Variants in ESRRG observed in about 807,000 individuals in gnomAD.
ESRRG encodes the protein estrogen-related receptor gamma.
ESRRG carries 13 observed loss-of-function variants against 44.0 expected under a neutral mutation model. The ratio of observed to expected loss-of-function variants is 0.30; its 90% CI spans 0.19 to 0.47. The LOEUF (loss-of-function observed/expected upper bound fraction) is 0.47. ESRRG is among the 20% of genes least tolerant of loss of function. The probability of loss-of-function intolerance (pLI) is 1.00; values close to 1 mark genes in which losing one functional copy is unlikely to be tolerated. For missense variants in ESRRG, 395 were observed against 580.6 expected (o/e 0.68, Z 3.29); for synonymous variants, 215 against 214.6 (o/e 1.00, Z -0.02).
At chr1:217,093,742 C>A (rs1426404453), upstream of ESRRG, among the ~76,000 whole-genome samples, 1 of 151,306 alleles carries the variant, frequency 6.6e-6, no homozygotes, top group African/African-American at 2.4e-5. Context: ...GTGATCGCAC[C>A]ACTGCACTCC....
intron 1 of ESRRG, among the ~76,000 whole-genome samples, chr1:217,002,470 AC>A (rs1035910574): frequency 1.3e-5 from 2 of 152,046 alleles, no homozygotes; most frequent in African/African-American, 4.8e-5. Context: ...GTTGATTCTG[AC>A]AGTTATCTAT....
chr1:216,987,657 C>T (rs1220787854), intron 1 of ESRRG, among the ~76,000 whole-genome samples: 3 of 152,298 alleles, frequency 2.0e-5, no homozygotes, highest in African/African-American at 7.2e-5. Context: ...AAGTCCAGGA[C>T]AGGCACTCCC....
intron 1 of ESRRG, among the ~76,000 whole-genome samples, chr1:216,692,284 C>G (rs549363821): frequency 2.9e-4 from 43 of 147,066 alleles, no homozygotes; most frequent in African/African-American, 1.1e-3. Context: ...GTGGATACTC[C>G]TGACCCTGTG....
intron 5 of ESRRG, among the ~76,000 whole-genome samples, chr1:216,521,729 C>T (rs1247049710): frequency 1.3e-5 from 2 of 152,100 alleles, no homozygotes; most frequent in African/African-American, 4.8e-5. Flanking sequence ...GAAGGAGGAA[C>T]TTTTTTATTG....
intron 1 of ESRRG, chr1:216,707,404 A>T (rs2082669262): frequency 6.5e-7 from 1 of 1,535,898 alleles, no homozygotes; most frequent in Admixed American, 2.0e-5. Context: ...GACTGCTCCA[A>T]GACCCCAATC....
chr1:216,759,673 T>A (rs1406804673), intron 2 of ESRRG, among the ~76,000 whole-genome samples: 1 of 152,108 alleles, frequency 6.6e-6, no homozygotes, highest in East Asian at 1.9e-4. Context: ...TATCTGTTAG[T>A]CCCAAGCACT....
At chr1:216,972,863 T>A (rs2071990046) in intron 1 of ESRRG, among the ~76,000 whole-genome samples, 2 of 152,204 alleles carry the variant, frequency 1.3e-5, no homozygotes, top group African/African-American at 4.8e-5. Context: ...TGTGTTGTTC[T>A]GGTTGATATT....
intron 3 of ESRRG, among the ~76,000 whole-genome samples, chr1:216,580,439 T>C (rs891985157): frequency 1.3e-5 from 2 of 152,208 alleles, no homozygotes; most frequent in African/African-American, 4.8e-5. Context: ...AGTTTTATTT[T>C]TTAACTATTC....
chr1:217,091,999 C>G (rs1484874066), upstream of ESRRG, among the ~76,000 whole-genome samples: 1 of 152,174 alleles, frequency 6.6e-6, no homozygotes, highest in South Asian at 2.1e-4. Context: ...GTCTTCCATG[C>G]TGTTTGTCAC....
intron 2 of ESRRG, among the ~76,000 whole-genome samples, chr1:216,772,229 G>A (rs540880957): frequency 1.1e-4 from 17 of 152,178 alleles, no homozygotes; most frequent in African/African-American, 3.4e-4. Flanking sequence ...AGAAACAAGC[G>A]AAGCATACCT....
intron 2 of ESRRG, among the ~76,000 whole-genome samples, chr1:216,832,383 C>T (rs533985125): frequency 2.2e-4 from 33 of 152,252 alleles, no homozygotes; most frequent in African/African-American, 5.5e-4. Context: ...CAGGTTTCTC[C>T]GGTAGGTGGA....
intron 1 of ESRRG, among the ~76,000 whole-genome samples, chr1:216,949,891 C>T (rs901449956): frequency 6.6e-6 from 1 of 151,968 alleles, no homozygotes; most frequent in Non-Finnish European, 1.5e-5. Flanking sequence ...CAGCTCACTG[C>T]AACCTCCACA....
chr1:216,977,339 C>CAT lies in ESRRG; in HGVS notation c.-105-37668_-105-37667dup, dbSNP rs202083405. Among the ~76,000 whole-genome samples, 666 of 113,918 alleles carry CAT rather than the reference C, an allele frequency of 5.8e-3. 4 individuals carry two copies. The highest frequency in any genetic ancestry group is 0.016 in the Middle Eastern group (4 of 244). 74.7% of individuals were successfully genotyped at this position (113,918 alleles called of 152,430 possible). ...ACAAACAAAGTTTCCAAGGAGGATA[C>CAT]ATACACACACACACACACACACACA... is the stretch of plus-strand genomic sequence containing the variant. On this transcript the variant is annotated intron_variant, in intron 1 of 7. Coordinates refer to the ESRRG transcript ENST00000359162.
intron 2 of ESRRG, among the ~76,000 whole-genome samples, chr1:216,759,607 T>C (rs1200235276): frequency 2.0e-5 from 3 of 152,154 alleles, no homozygotes; most frequent in Non-Finnish European, 2.9e-5. Flanking sequence ...GCTCCTTACA[T>C]AGTATTGAGT....
intron 2 of ESRRG, among the ~76,000 whole-genome samples, chr1:216,783,272 C>T (rs1375849949): frequency 6.6e-6 from 1 of 152,018 alleles, no homozygotes; most frequent in African/African-American, 2.4e-5. Flanking sequence ...GGACCCTCCA[C>T]AGAGTGACCA....
chr1:216,792,514 A>G (rs6671339), intron 2 of ESRRG, among the ~76,000 whole-genome samples: 84,789 of 152,040 alleles, frequency 0.56, 24,900 homozygotes, highest in African/African-American at 0.75. Context: ...GGTAAAAGTC[A>G]AATCTGCCTA....
chr1:217,103,113 G>A (rs1043121921), intron 1 of ESRRG, among the ~76,000 whole-genome samples: 1 of 149,812 alleles, frequency 6.7e-6, no homozygotes, highest in African/African-American at 2.6e-5. Context: ...TTGGAGATTT[G>A]TCTTGAAGCT....
At chr1:216,794,753 CA>C (rs1308096298) in intron 2 of ESRRG, among the ~76,000 whole-genome samples, 2 of 152,288 alleles carry the variant, frequency 1.3e-5, no homozygotes, top group African/African-American at 4.8e-5. Flanking sequence ...TTGCTCAGCA[CA>C]GTTAAAGTTT....
intron 1 of ESRRG, among the ~76,000 whole-genome samples, chr1:216,961,115 C>T (rs184534089): frequency 3.2e-4 from 48 of 152,228 alleles, no homozygotes; most frequent in Admixed American, 1.1e-3. Flanking sequence ...ACAAAAAAGA[C>T]GTTGCCAGAT....
Sources: allele counts gnomAD v4.1 joint callset (sites outside exome capture counted in the v4.1 genomes callset), GRCh38; gene constraint gnomAD v4.1.1; transcripts MANE v1.5; gene names NCBI Gene and HGNC (gene_info 2026-07-23, HGNC 2026-07-21).